Variants in RORA observed in about 807,000 individuals in gnomAD.
The protein encoded by RORA is nuclear receptor ROR-alpha.
RORA carries 7 observed loss-of-function variants against 69.5 expected under a neutral mutation model. That is an observed-to-expected ratio of 0.10 (90% CI 0.06 to 0.19). RORA has a LOEUF of 0.19. RORA is among the 10% of genes least tolerant of loss of function. RORA has a pLI of 1.00. For synonymous variants in RORA, 261 were observed against 240.8 expected (o/e 1.08, Z -0.78); for missense variants, 457 against 663.0 (o/e 0.69, Z 3.41).
At chr15:60,625,130 T>G (rs1125682) in intron 2 of RORA, among the ~76,000 whole-genome samples, 22,671 of 152,080 alleles carry the variant, frequency 0.15, 1,887 homozygotes, top group Middle Eastern at 0.27. Context: ...CAAGCTCCAA[T>G]GGAGAGAGGG....
At chr15:60,818,239 C>A (rs1254262166) in intron 1 of RORA, among the ~76,000 whole-genome samples, 1 of 151,954 alleles carries the variant, frequency 6.6e-6, no homozygotes, top group Non-Finnish European at 1.5e-5. Flanking sequence ...GCAAAAACTG[C>A]AATTACTTTT....
At chr15:60,952,546 T>A (rs58914773) in intron 1 of RORA, among the ~76,000 whole-genome samples, 1 of 151,428 alleles carries the variant, frequency 6.6e-6, no homozygotes, top group Non-Finnish European at 1.5e-5. Context: ...AAAACCCCAT[T>A]GTCTCAGCCC....
Position 60,511,137 on chromosome 15 carries a change from G to T in RORA, c.820+89C>A. ...TGGTAAAGGTGAATTGCATCATTTA[G>T]CAGAACTCATTAGAGGAAAGTCAGA... On this transcript the variant is annotated intron_variant, in intron 5 of 10. Transcript: ENST00000335670. This position sits in a 1 kb window ranked among gnomAD's most constrained non-coding sequence, Gnocchi z 6.4. 1 of 1,379,708 alleles carries T rather than the reference G, an allele frequency of 7.2e-7. No individual in the cohort carries two copies. 85.5% of individuals were successfully genotyped at this position (1,379,708 alleles called of 1,614,324 possible).
At chr15:61,057,769 G>A (rs532797679) in intron 1 of RORA, among the ~76,000 whole-genome samples, 1 of 152,264 alleles carries the variant, frequency 6.6e-6, no homozygotes, top group African/African-American at 2.4e-5. Context: ...TTAACCCTGA[G>A]CACCCCACTC....
At chr15:60,508,326 A>G (rs1017742334) in intron 5 of RORA, among the ~76,000 whole-genome samples, 1 of 152,216 alleles carries the variant, frequency 6.6e-6, no homozygotes, top group South Asian at 2.1e-4. Context: ...GATACTTCAG[A>G]TGGGAAGTCC....
intron 1 of RORA, among the ~76,000 whole-genome samples, chr15:60,971,700 G>A (rs566792048): frequency 2.0e-5 from 3 of 152,244 alleles, no homozygotes; most frequent in Admixed American, 6.5e-5. Flanking sequence ...CCTCTTAAAA[G>A]CTCTTTTACA....
chr15:60,514,479 G>A, intron 4 of RORA, 137 bp downstream of exon 4: 2 of 785,546 alleles, frequency 2.5e-6, no homozygotes, highest in Non-Finnish European at 2.1e-6. Flanking sequence ...GCTGCCAGAG[G>A]AGCATGGGGG....
intron 1 of RORA, 32 bp downstream of exon 1, chr15:61,229,021 G>C: frequency 7.9e-7 from 1 of 1,265,604 alleles, no homozygotes; most frequent in Non-Finnish European, 1.0e-6. Flanking sequence ...GGCTCCCGCC[G>C]CCCCCTCCCC....
chr15:60,509,920 T>C (rs1354458549), intron 5 of RORA, among the ~76,000 whole-genome samples: 2 of 152,180 alleles, frequency 1.3e-5, no homozygotes, highest in Non-Finnish European at 2.9e-5. Flanking sequence ...AGGCTTAAAA[T>C]GTCCCTGCTC....
intron 2 of RORA, among the ~76,000 whole-genome samples, chr15:60,571,323 T>TTG (rs370278407): frequency 0.043 from 6,556 of 151,554 alleles, 465 homozygotes; most frequent in African/African-American, 0.15. Flanking sequence ...TCCTGTGTTT[T>TTG]TGTGTGTGTG....
intron 2 of RORA, among the ~76,000 whole-genome samples, chr15:60,570,512 T>A (rs1310359243): frequency 6.6e-6 from 1 of 151,988 alleles, no homozygotes; most frequent in Non-Finnish European, 1.5e-5. Flanking sequence ...ATTATTATCA[T>A]CATTATTTTG....
intron 1 of RORA, among the ~76,000 whole-genome samples, chr15:60,762,597 A>T (rs1179173899): frequency 6.6e-6 from 1 of 152,136 alleles, no homozygotes; most frequent in African/African-American, 2.4e-5. Flanking sequence ...ATAAAGGAGC[A>T]TCTCCAGGTT....
chr15:60,653,637 C>T (rs1218474881), intron 2 of RORA, among the ~76,000 whole-genome samples: 1 of 152,158 alleles, frequency 6.6e-6, no homozygotes, highest in Non-Finnish European at 1.5e-5. Flanking sequence ...AACCTGCCCA[C>T]AGCCACATTA....
intron 1 of RORA, among the ~76,000 whole-genome samples, chr15:61,056,885 T>A (rs1350632278): frequency 6.6e-6 from 1 of 152,206 alleles, no homozygotes; most frequent in African/African-American, 2.4e-5. Flanking sequence ...CTCACAGTAT[T>A]TGGCCTATTC....
chr15:61,228,016 C>A (rs559381463), intron 1 of RORA, among the ~76,000 whole-genome samples: 1 of 147,376 alleles, frequency 6.8e-6, no homozygotes, highest in East Asian at 2.1e-4. Context: ...GCAACTGAGT[C>A]CCCCCCATCC....
At chr15:61,202,665 T>C (rs2079906136) in intron 1 of RORA, among the ~76,000 whole-genome samples, 1 of 151,972 alleles carries the variant, frequency 6.6e-6, no homozygotes, top group Non-Finnish European at 1.5e-5. Context: ...AAGAGTACCC[T>C]TGAAAAACAA....
intron 1 of RORA, among the ~76,000 whole-genome samples, chr15:61,219,274 C>T (rs2080071242): frequency 6.6e-6 from 1 of 152,218 alleles, no homozygotes; most frequent in African/African-American, 2.4e-5. Context: ...AACTTGCACA[C>T]ATCTTAATAG....
rs542315065 is a variant in RORA at position 60,821,517 on chromosome 15, T to C, written c.167-142831A>G. 3.3e-5 allele frequency among the ~76,000 whole-genome samples: 5 copies of C among 152,284 alleles called. No individual in the cohort carries two copies. The East Asian group carries it at 9.6e-4, about 29-fold the overall frequency. On this transcript the variant is annotated intron_variant, in intron 1 of 10. Coordinates refer to ENST00000335670, the MANE Select transcript of RORA (RefSeq NM_134261.3). ...AGTAACTCACCACTTTTATCCCCTA[T>C]CTCTCCTCTGTATTCCTCAAAGGCT...
chr15:60,868,916 G>T (rs575097902), intron 1 of RORA, among the ~76,000 whole-genome samples: 1 of 152,226 alleles, frequency 6.6e-6, no homozygotes, highest in South Asian at 2.1e-4. Flanking sequence ...TCCAAACACA[G>T]GTTGGCAACC....
Sources: gnomAD v4.1 joint callset for allele counts (sites outside exome capture counted in the v4.1 genomes callset) on GRCh38, gnomAD v4.1.1 for gene constraint, Gnocchi (gnomAD v3.1) non-coding constraint, MANE v1.5 for transcripts, NCBI Gene and HGNC (gene_info 2026-07-23, HGNC 2026-07-21) for gene names.